MAP3K19: variants seen among roughly 807,000 people sequenced by gnomAD.
The protein encoded by MAP3K19 is SPS1/STE20-related protein kinase YSK4.
Under a neutral mutation model 114.4 loss-of-function variants are expected in MAP3K19, and 91 were observed. The observed-to-expected ratio is 0.80, with a 90% CI of 0.67 to 0.95. MAP3K19 has a LOEUF of 0.95. Ranked by LOEUF, MAP3K19 falls within the 40% of genes least tolerant of loss-of-function variation. The pLI, the probability that MAP3K19 is intolerant of heterozygous loss-of-function variation, is 0.00. For missense variants in MAP3K19, 1,471 were observed against 1,573.2 expected (o/e 0.94, Z 1.10); for synonymous variants, 518 against 530.5 (o/e 0.98, Z 0.32).
In MAP3K19 at chr2:135,018,757, G is replaced by A. The variant is rs77396408; in HGVS notation, c.138+2958C>T. Among the ~76,000 whole-genome samples, 1,075 of 152,154 alleles carry A rather than the reference G, an allele frequency of 7.1e-3. 12 individuals are homozygous for A. The highest frequency in any genetic ancestry group is 0.024 in the African/African-American group (1,005 of 41,496). ...ATAGAGGAACAACAGGCAAAAATACGTACCTCGACCTAAACCTTGTACTTT... is the reference window on the plus strand; with the variant it reads ...ATAGAGGAACAACAGGCAAAAATACATACCTCGACCTAAACCTTGTACTTT... On this transcript the variant is annotated intron_variant, in intron 5 of 12. Transcript: ENST00000392915.
chr2:135,025,294 C>T (rs1688208704), intron 3 of MAP3K19, among the ~76,000 whole-genome samples: 1 of 148,036 alleles, frequency 6.8e-6, no homozygotes, highest in South Asian at 2.1e-4. Context: ...TAAGCTGATA[C>T]TTTTATTTCA....
At chr2:135,036,446 A>G (rs1234223048) in intron 2 of MAP3K19, among the ~76,000 whole-genome samples, 1 of 152,338 alleles carries the variant, frequency 6.6e-6, no homozygotes, top group African/African-American at 2.4e-5. Context: ...TAAATAGATA[A>G]TGATGCCTTA....
Position 134,998,726 on chromosome 2 carries a change from T to C in MAP3K19, c.574+12A>G. ...CAAAAGGACTCACTGTGGAATTCAA[T>C]GTTCAACTTACCTTCAGATTTTCTT... On this transcript the variant is annotated intron_variant, in intron 8 of 12. Transcript: ENST00000392915. The C allele has an allele frequency of 6.3e-7, 1 of 1,591,046 alleles. No individual in the cohort carries two copies. The highest frequency in any genetic ancestry group is 1.1e-5 in the South Asian group (1 of 87,912).
chr2:134,992,717 T>C (rs1477081643), intron 8 of MAP3K19, among the ~76,000 whole-genome samples: 1 of 151,834 alleles, frequency 6.6e-6, no homozygotes, highest in East Asian at 1.9e-4. Flanking sequence ...TCGCCCAGGC[T>C]GGAGTATAGT....
At chr2:134,981,880 C>CT (rs567597251) in intron 11 of MAP3K19, among the ~76,000 whole-genome samples, 2,743 of 124,560 alleles carry the variant, frequency 0.022, 21 homozygotes, top group Non-Finnish European at 0.03. Flanking sequence ...GATTTCTTTT[C>CT]TTTTTTTTTT....
At chr2:134,990,251 C>T (rs1368513273) in intron 9 of MAP3K19, among the ~76,000 whole-genome samples, 1 of 152,128 alleles carries the variant, frequency 6.6e-6, no homozygotes, top group Non-Finnish European at 1.5e-5. Context: ...GACCCTTGAA[C>T]AACAGGGCTT....
At chr2:134,970,464 C>T (rs1243601741) in intron 12 of MAP3K19, among the ~76,000 whole-genome samples, 1 of 152,030 alleles carries the variant, frequency 6.6e-6, no homozygotes, top group Non-Finnish European at 1.5e-5. Context: ...ATTTTGTATC[C>T]TGCAACTTTA....
Position 134,998,770 on chromosome 2 carries a change from T to A in MAP3K19, c.542A>T (p.His181Leu). The A allele has an allele frequency of 6.2e-7, 1 of 1,601,510 alleles. No individual in the cohort carries two copies. Residue 181 changes from histidine (H) to leucine (L), a missense_variant, in exon 8 of 13, where the codon CAT becomes CTT. By Grantham distance (99) the His-to-Leu change is moderately conservative. Coordinates refer to ENST00000392915, the MANE Select transcript of MAP3K19 (RefSeq NM_025052.5). ...TTTTCTTTGCTGCTCCTTCAGAAAATGAGGAGCATCTTCTCTGGTTACAGA... is the reference window on the plus strand; with the variant it reads ...TTTTCTTTGCTGCTCCTTCAGAAAAAGAGGAGCATCTTCTCTGGTTACAGA... The part of the protein sequence containing the change: ...SKSVTREDAP[H>L]FLKEQQRKSE...
At chr2:135,025,941 A>G (rs1483815837) in intron 3 of MAP3K19, among the ~76,000 whole-genome samples, 3 of 152,220 alleles carry the variant, frequency 2.0e-5, no homozygotes, top group Non-Finnish European at 2.9e-5. Context: ...TACTTATCCT[A>G]TTCTAGGACA....
chr2:134,997,888 A>G (rs1352487253), intron 8 of MAP3K19, among the ~76,000 whole-genome samples: 2 of 151,478 alleles, frequency 1.3e-5, no homozygotes, highest in East Asian at 3.9e-4. Flanking sequence ...TTAAAATCCC[A>G]TAATAATTAT....
At chr2:134,971,475 T>G (rs1683878103) in intron 12 of MAP3K19, among the ~76,000 whole-genome samples, 1 of 152,212 alleles carries the variant, frequency 6.6e-6, no homozygotes, top group African/African-American at 2.4e-5. Context: ...TCTCAATTTT[T>G]TGGAATAGTT....
chr2:135,017,993 G>C (rs1323756328), intron 5 of MAP3K19, among the ~76,000 whole-genome samples: 1 of 152,176 alleles, frequency 6.6e-6, no homozygotes, highest in Non-Finnish European at 1.5e-5. Flanking sequence ...ACACATCTTA[G>C]AATTGATAGT....
chr2:134,967,097 G>A (rs576991487), intron 12 of MAP3K19, among the ~76,000 whole-genome samples: 1 of 152,192 alleles, frequency 6.6e-6, no homozygotes, highest in Non-Finnish European at 1.5e-5. Flanking sequence ...ATGAAATCAA[G>A]GTTTAAGGGA....
At chr2:135,014,907 C>T (rs1687479760) in intron 5 of MAP3K19, among the ~76,000 whole-genome samples, 1 of 152,152 alleles carries the variant, frequency 6.6e-6, no homozygotes, top group African/African-American at 2.4e-5. Flanking sequence ...TGTAGTTTTA[C>T]ACTATGTGAA....
chr2:134,987,284 T>C lies in MAP3K19; in HGVS notation c.1588A>G (p.Lys530Glu). ...AACTTACTCCTATGGGAATTCATCT[T>C]ATGCTTGTCATTTTCTTGGTGTACA... ...IPVHQENDKH[K>E]MNSHRSKLDS... The change falls in exon 10 of 13, where the codon AAG becomes GAG. Residue 530 changes from lysine (K) to glutamate (E), a missense_variant. Physicochemically the swap from Lys to Glu is moderately conservative, Grantham distance 56 (BLOSUM62 1). Transcript: ENST00000392915. 1.2e-6 allele frequency: 2 copies of C among 1,614,194 alleles called. No individual in the cohort carries two copies. Among genetic ancestry groups the C allele is most frequent in the Non-Finnish European group, 1.7e-6 (2 of 1,180,042 alleles).
chr2:135,011,213 C>G (rs1687199356), intron 5 of MAP3K19, among the ~76,000 whole-genome samples: 1 of 152,056 alleles, frequency 6.6e-6, no homozygotes, highest in African/African-American at 2.4e-5. Flanking sequence ...ATTTCGGCTA[C>G]AATAAGAAAA....
rs2105339404 is a variant in MAP3K19, at chr2:135,012,665, G to A, written c.139-7134C>T. On this transcript the variant is annotated intron_variant, in intron 5 of 12. Transcript: ENST00000392915. ...TCCAAACTTTTAGCTGTTTCTTTTG[G>A]TATTTTCTTCCGTATTTCTGCATAG... 2.6e-5 allele frequency among the ~76,000 whole-genome samples: 4 copies of A among 151,808 alleles called. No homozygotes were observed. In the South Asian group the frequency reaches 8.3e-4, roughly 32 times the overall value.
chr2:135,015,311 T>A (rs140427080), intron 5 of MAP3K19, among the ~76,000 whole-genome samples: 4 of 152,342 alleles, frequency 2.6e-5, no homozygotes, highest in African/African-American at 9.6e-5. Context: ...TGAGCATCTT[T>A]TAATATATTT....
intron 12 of MAP3K19, among the ~76,000 whole-genome samples, chr2:134,967,053 G>T (rs1683406784): frequency 6.6e-6 from 1 of 152,148 alleles, no homozygotes; most frequent in Non-Finnish European, 1.5e-5. Flanking sequence ...AAACCACTTT[G>T]ACCCAACCTG....
Sources: gnomAD v4.1 joint callset for allele counts (sites outside exome capture counted in the v4.1 genomes callset) on GRCh38, gnomAD v4.1.1 for gene constraint, MANE v1.5 for transcripts, NCBI Gene and HGNC (gene_info 2026-07-23, HGNC 2026-07-21) for gene names.